The following ADGRV1 variants were observed in gnomAD, a reference collection of about 807,000 sequenced individuals.
ADGRV1 encodes the protein adhesion G protein-coupled receptor V1, also known as G-protein coupled receptor 98.
In ADGRV1, 359 loss-of-function variants were observed where a neutral mutation model predicts 596.2. The ratio of observed to expected loss-of-function variants is 0.60; its 90% CI spans 0.55 to 0.66. ADGRV1 has a LOEUF of 0.66. Ranked by LOEUF, ADGRV1 falls within the 30% of genes least tolerant of loss-of-function variation. The probability of loss-of-function intolerance (pLI) is 0.00; values close to 1 mark genes in which losing one functional copy is unlikely to be tolerated. For synonymous variants in ADGRV1, 2,681 were observed against 2,679.2 expected (o/e 1.00, Z -0.02); for missense variants, 7,274 against 7,575.6 (o/e 0.96, Z 1.48).
intron 50 of ADGRV1, among the ~76,000 whole-genome samples, chr5:90,734,180 T>C (rs1341151477): frequency 2.0e-4 from 31 of 152,210 alleles, no homozygotes. Context: ...GATAGATATA[T>C]AGTTTGAGTT....
At chr5:90,729,819 G>T in intron 50 of ADGRV1, 55 bp downstream of exon 50, 1 of 1,551,968 alleles carries the variant, frequency 6.4e-7, no homozygotes, top group South Asian at 1.2e-5. Flanking sequence ...AAGCCAGAAT[G>T]ATTTTAATCT....
chr5:91,073,426 G>A (rs1227634064), intron 86 of ADGRV1, among the ~76,000 whole-genome samples: 1 of 152,166 alleles, frequency 6.6e-6, no homozygotes, highest in African/African-American at 2.4e-5. Context: ...CACGTTTTAA[G>A]TGCTTGTCAA....
chr5:91,125,774 A>C (rs1433047290), intron 87 of ADGRV1, among the ~76,000 whole-genome samples: 1 of 152,210 alleles, frequency 6.6e-6, no homozygotes, highest in African/African-American at 2.4e-5. Flanking sequence ...TTTCATTGGT[A>C]ACCAGATCAA....
At chr5:91,041,170 A>G (rs1009521726) in intron 85 of ADGRV1, among the ~76,000 whole-genome samples, 1 of 152,228 alleles carries the variant, frequency 6.6e-6, no homozygotes, top group African/African-American at 2.4e-5. Context: ...TCATTCTACT[A>G]TAAAGACACA....
intron 59 of ADGRV1, among the ~76,000 whole-genome samples, chr5:90,768,016 C>T (rs1757326955): frequency 6.6e-6 from 1 of 152,178 alleles, no homozygotes; most frequent in African/African-American, 2.4e-5. Context: ...AAATTAGTTT[C>T]AAATGTCTAT....
chr5:90,803,460 T>C (rs1204948086), intron 71 of ADGRV1, among the ~76,000 whole-genome samples: 1 of 152,214 alleles, frequency 6.6e-6, no homozygotes, highest in Non-Finnish European at 1.5e-5. Context: ...GTGGCTATGG[T>C]AACGTGTGTA....
At chr5:90,996,126 A>G (rs1302106338) in intron 85 of ADGRV1, among the ~76,000 whole-genome samples, 10 of 152,154 alleles carry the variant, frequency 6.6e-5, no homozygotes, top group Non-Finnish European at 1.2e-4. Flanking sequence ...AGAAAATTGC[A>G]TAAGTAAAGA....
chr5:90,784,594 A>G (rs1759220838), intron 67 of ADGRV1, among the ~76,000 whole-genome samples: 1 of 152,186 alleles, frequency 6.6e-6, no homozygotes, highest in African/African-American at 2.4e-5. Flanking sequence ...AGAAGGAACA[A>G]TAGCTTCTGC....
At chr5:90,970,679 G>C (rs181189000) in intron 84 of ADGRV1, among the ~76,000 whole-genome samples, 65 of 152,196 alleles carry the variant, frequency 4.3e-4, no homozygotes, top group Non-Finnish European at 7.1e-4. Flanking sequence ...AAATAGAAAG[G>C]ACATCCACAT....
At chr5:90,834,146 A>T (rs953482697) in intron 77 of ADGRV1, among the ~76,000 whole-genome samples, 2 of 152,192 alleles carry the variant, frequency 1.3e-5, no homozygotes, top group African/African-American at 4.8e-5. Flanking sequence ...TTCAGTGTTT[A>T]GTCTTTCTAC....
In ADGRV1 at chr5:90,863,781, A is replaced by G. The variant is rs1767831385; in HGVS notation, c.17780A>G (p.His5927Arg). ...GGTCTTTGCTTGGCTGTTCTTTCCCATATCTTCTGTGCCAGGTACTCCATG... is the reference window on the plus strand; with the variant it reads ...GGTCTTTGCTTGGCTGTTCTTTCCCGTATCTTCTGTGCCAGGTACTCCATG... Reference protein sequence around the residue: ...ISGLCLAVLSHIFCARYSMFA... With the variant: ...ISGLCLAVLSRIFCARYSMFA... Residue 5927 changes from histidine (H) to arginine (R), a missense_variant, in exon 83 of 90, where the codon CAT becomes CGT. By Grantham distance (29) the His-to-Arg change is conservative. Around this residue, in one of 5 missense-constraint regions of ADGRV1, gnomAD observed 1,874 missense variants for 1,970.2 expected, o/e 0.95. Coordinates refer to ENST00000405460, the MANE Select transcript of ADGRV1 (RefSeq NM_032119.4). 6.2e-7 allele frequency: 1 copy of G among 1,613,184 alleles called. No homozygotes were observed. Among genetic ancestry groups the G allele is most frequent in the African/African-American group, 1.3e-5 (1 of 74,858 alleles).
chr5:90,604,100 G>A (rs1394565490), intron 1 of ADGRV1, among the ~76,000 whole-genome samples: 1 of 151,866 alleles, frequency 6.6e-6, no homozygotes, highest in Non-Finnish European at 1.5e-5. Flanking sequence ...ATGCCATGGA[G>A]AAATGTGGAC....
intron 50 of ADGRV1, among the ~76,000 whole-genome samples, chr5:90,735,966 T>C (rs2149854932): frequency 6.6e-6 from 1 of 152,308 alleles, no homozygotes; most frequent in African/African-American, 2.4e-5. Context: ...TATGTCTTAT[T>C]TCTTTCTCTC....
At chr5:91,077,120 A>T (rs1016950532) in intron 86 of ADGRV1, among the ~76,000 whole-genome samples, 5 of 152,172 alleles carry the variant, frequency 3.3e-5, no homozygotes, top group African/African-American at 1.2e-4. Context: ...GCCTTACTGT[A>T]TATACAGAAT....
chr5:90,814,556 T>C (rs1192236940), intron 74 of ADGRV1, among the ~76,000 whole-genome samples: 4 of 152,100 alleles, frequency 2.6e-5, no homozygotes, highest in South Asian at 4.1e-4. Flanking sequence ...GTTTCCCCCA[T>C]GCTGTTCTTG....
chr5:90,941,269 T>C (rs540738265), intron 83 of ADGRV1, among the ~76,000 whole-genome samples: 1 of 152,338 alleles, frequency 6.6e-6, no homozygotes, highest in South Asian at 2.1e-4. Flanking sequence ...AGACAGGATA[T>C]CTTTTATAAC....
intron 57 of ADGRV1, among the ~76,000 whole-genome samples, chr5:90,758,625 A>G (rs979982531): frequency 3.3e-5 from 5 of 152,126 alleles, no homozygotes; most frequent in African/African-American, 9.7e-5. Flanking sequence ...TCATGTTTCT[A>G]TCTGTCTGAG....
intron 87 of ADGRV1, among the ~76,000 whole-genome samples, chr5:91,102,868 T>C (rs1470266780): frequency 6.6e-6 from 1 of 152,200 alleles, no homozygotes; most frequent in Non-Finnish European, 1.5e-5. Flanking sequence ...AACTAGAAAT[T>C]ATATAACTGC....
chr5:90,717,198 T>G (rs1750229285), intron 43 of ADGRV1: 2 of 152,642 alleles, frequency 1.3e-5, no homozygotes, highest in Admixed American at 6.5e-5. Flanking sequence ...GGATTTGGGA[T>G]AAATATGATC....
Sources: gnomAD v4.1 joint callset for allele counts (sites outside exome capture counted in the v4.1 genomes callset) on GRCh38, gnomAD v4.1.1 for gene constraint, gnomAD v4.1.1 regional missense constraint, MANE v1.5 for transcripts, NCBI Gene and HGNC (gene_info 2026-07-23, HGNC 2026-07-21) for gene names.